The following TTN variants were observed in gnomAD, a reference collection of about 807,000 sequenced individuals.
TTN encodes connectin.
Under a neutral mutation model 3,223.0 loss-of-function variants are expected in TTN, and 1,525 were observed. That is an observed-to-expected ratio of 0.47 (90% CI 0.45 to 0.49). The LOEUF is 0.49. Among genes scored for constraint, TTN ranks in the 20% least tolerant of loss-of-function variants. The pLI, the probability that TTN is intolerant of heterozygous loss-of-function variation, is 0.00. For synonymous variants in TTN, 14,094 were observed against 15,161.0 expected (o/e 0.93, Z 5.17); for missense variants, 40,786 against 43,424.0 (o/e 0.94, Z 5.40).
rs1197078573 is a variant in TTN at position 178,579,243 on chromosome 2, C to G, written c.67787G>C (p.Arg22596Thr). 2 of 1,613,442 alleles carry G rather than the reference C, an allele frequency of 1.2e-6. No individual in the cohort carries two copies. Among genetic ancestry groups the G allele is most frequent in the Admixed American group, 3.3e-5 (2 of 59,992 alleles). Residue 22596 changes from arginine to threonine, a missense_variant, in exon 320 of 363, where the codon AGA becomes ACA. Coordinates refer to ENST00000589042, the MANE Select transcript of TTN (RefSeq NM_001267550.2). ...AACCGCAGATGACTCAACACTGACT[C>G]TAGTGTCAGTTGCTAGAGGATCTTC... is the stretch of plus-strand genomic sequence containing the variant. ...KGEDPLATDT[R>T]VSVESSAVNT... is the part of the protein sequence containing the mutation.
In TTN at chr2:178,538,610, A is replaced by G; in HGVS notation, c.99219T>C (p.Val33073=). Residue 33073 remains valine (V), a synonymous_variant, in exon 354 of 363, where the codon GTT becomes GTC. Transcript: ENST00000589042. ...LLEATEYEFR[V]FAENETGLSR... ...TCAGCCCAGTCTCATTCTCAGCAAA[A>G]ACCCTGAATTCATACTCAGTAGCTT... The G allele has an allele frequency of 6.2e-7, 1 of 1,613,716 alleles. No homozygotes were observed. Among genetic ancestry groups the G allele is most frequent in the Non-Finnish European group, 8.5e-7 (1 of 1,179,728 alleles).
intron 242 of TTN, among the ~76,000 whole-genome samples, chr2:178,623,323 T>A (rs1334937127): frequency 2.7e-5 from 4 of 150,942 alleles, no homozygotes; most frequent in African/African-American, 9.7e-5. Context: ...AGGCATAACA[T>A]CTATTAGTGC....
chr2:178,649,434 A>G (rs2062561171), intron 212 of TTN, 103 bp from the exon 213 acceptor site: 5 of 1,348,844 alleles, frequency 3.7e-6, no homozygotes, highest in Non-Finnish European at 4.9e-6. Flanking sequence ...AAATTAATGA[A>G]AGCAAAATAA....
At chr2:178,672,562 CAG>C (rs2067194982) in intron 153 of TTN, 71 bp downstream of exon 153, 2 of 1,600,062 alleles carry the variant, frequency 1.2e-6, no homozygotes, top group African/African-American at 1.3e-5. Flanking sequence ...AATCAAGACA[CAG>C]AGACATGAAA....
intron 326 of TTN, 174 bp from the exon 327 acceptor site, chr2:178,558,811 A>G (rs1702472473): frequency 4.5e-6 from 3 of 660,304 alleles, no homozygotes; most frequent in African/African-American, 3.7e-5. Flanking sequence ...GGCTCCCACA[A>G]GCTATGTCAT....
At position 178,721,951 on chromosome 2, in the gene TTN, TGAG is replaced by T. The variant is rs746469744; in HGVS notation, c.22709_22711del (p.Pro7570del). On this transcript the variant is annotated inframe_deletion, in exon 78 of 363. Coordinates refer to ENST00000589042, the MANE Select transcript of TTN (RefSeq NM_001267550.2). ...TTTGCCTACTTTAAGAATTCTCAAA[TGAG>T]GAGTGTTTCCCACACATGTGATTGT... The T allele has an allele frequency of 1.2e-6, 2 of 1,613,598 alleles. No homozygotes were observed. Among genetic ancestry groups the T allele is most frequent in the Non-Finnish European group, 1.7e-6 (2 of 1,179,588 alleles).
Position 178,592,982 on chromosome 2 carries a change from G to A in TTN, c.59137C>T (p.Leu19713=), listed in dbSNP as rs2050557012. The change falls in exon 300 of 363, where the codon CTG becomes TTG. Residue 19713 remains leucine (L), a synonymous_variant. Coordinates refer to ENST00000589042, the MANE Select transcript of TTN (RefSeq NM_001267550.2). Reference sequence around the variant, plus strand: ...TTCTGGTACTCAACAATATAACCCAGAATCTTGCTCCCACCATCATGACGT... The same window carrying A: ...TTCTGGTACTCAACAATATAACCCAAAATCTTGCTCCCACCATCATGACGT... ...PPRHDGGSKI[L]GYIVEYQKVG... 1 of 1,613,328 alleles carries A rather than the reference G, an allele frequency of 6.2e-7. No individual in the cohort carries two copies. Among genetic ancestry groups the A allele is most frequent in the Admixed American group, 1.7e-5 (1 of 59,946 alleles).
Position 178,717,567 on chromosome 2 carries a change from T to G in TTN, c.25307A>C (p.Asn8436Thr). ...ACTGGATGAAGCAGTCCCAAGAGGATTAGAAGCAGAGCAATTATACTGCCC... is the reference window on the plus strand; with the variant it reads ...ACTGGATGAAGCAGTCCCAAGAGGAGTAGAAGCAGAGCAATTATACTGCCC... ...HIGQYNCSAS[N>T]PLGTASSSAK... Residue 8436 changes from asparagine to threonine, a missense_variant, in exon 87 of 363, where the codon AAT becomes ACT. Physicochemically the swap from Asn to Thr is moderately conservative, Grantham distance 65. Transcript: ENST00000589042. 6.2e-7 allele frequency: 1 copy of G among 1,612,858 alleles called. No individual in the cohort carries two copies. The highest frequency in any genetic ancestry group is 1.3e-5 in the African/African-American group (1 of 74,990).
rs1577825049 is a variant in TTN, at chr2:178,711,071, T to G, written c.28165A>C (p.Ile9389Leu). 6.3e-7 allele frequency: 1 copy of G among 1,580,856 alleles called. No homozygotes were observed. Among genetic ancestry groups the G allele is most frequent in the African/African-American group, 1.4e-5 (1 of 73,304 alleles). The change falls in exon 97 of 363, where the codon ATT becomes CTT. Residue 9389 changes from isoleucine (I) to leucine (L), a missense_variant. Coordinates refer to ENST00000589042, the MANE Select transcript of TTN (RefSeq NM_001267550.2). ...TTAAGAATCCACAAACCTGTGAGAA[T>G]GAGCCTGGCACTGGAAGAAGCAGAG... ...IGSASSSARL[I>L]LTEGKNPPFF...
chr2:178,635,802 A>C, intron 226 of TTN, 87 bp from the exon 227 acceptor site: 4 of 1,520,864 alleles, frequency 2.6e-6, no homozygotes, highest in Non-Finnish European at 2.6e-6. Context: ...GAATAGGAAA[A>C]ATTTCACAAT....
At position 178,609,501 on chromosome 2, in the gene TTN, C is replaced by A. The variant is rs200650668; in HGVS notation, c.51809G>T (p.Ser17270Ile). 1,305 of 1,612,560 alleles carry A rather than the reference C, an allele frequency of 8.1e-4. 4 individuals are homozygous for A. The highest frequency in any genetic ancestry group is 1.1e-3 in the Non-Finnish European group (1,262 of 1,179,154). Residue 17270 changes from serine to isoleucine, a missense_variant, in exon 273 of 363, where the codon AGT becomes ATT. Coordinates refer to ENST00000589042, the MANE Select transcript of TTN (RefSeq NM_001267550.2). ...KRGDEIALDASISGSPYPTIT... is the reference protein window; with the variant it reads ...KRGDEIALDAIISGSPYPTIT... ...AGTTGGGTAAGGTGATCCAGAAATA[C>A]TTGCATCAAGTGCTATTTCATCACC...
intron 102 of TTN, 41 bp downstream of exon 102, chr2:178,706,413 G>A (rs1449848357): frequency 6.4e-7 from 1 of 1,552,052 alleles, no homozygotes; most frequent in East Asian, 2.3e-5. Context: ...CCACTTATAT[G>A]GAGGGCTGAT....
At position 178,654,196 on chromosome 2, in the gene TTN, G is replaced by C. The variant is rs760909848; in HGVS notation, c.38380+12C>G. ...AGTAAGTTATTCTTAGCAGAGGAGA[G>C]GGAATAAATACCTTTTGCACGTGGG... On this transcript the variant is annotated intron_variant, in intron 193 of 362. Coordinates refer to ENST00000589042, the MANE Select transcript of TTN (RefSeq NM_001267550.2). 197 of 1,593,984 alleles carry C rather than the reference G, an allele frequency of 1.2e-4. 4 individuals carry two copies. Among genetic ancestry groups the C allele is most frequent in the Non-Finnish European group, 1.6e-4 (186 of 1,177,898 alleles).
chr2:178,751,849 C>T (rs1440746392), intron 47 of TTN: 2 of 1,611,288 alleles, frequency 1.2e-6, no homozygotes, highest in Admixed American at 3.4e-5. Context: ...CCGGTTCACC[C>T]TCTAAAACAT....
At chr2:178,616,364 C>T in intron 257 of TTN, 115 bp downstream of exon 257, 1 of 1,411,994 alleles carries the variant, frequency 7.1e-7, no homozygotes, top group African/African-American at 1.4e-5. Context: ...TGTACATTTT[C>T]AGTGAGGTAA....
intron 149 of TTN, 114 bp downstream of exon 149, chr2:178,675,557 C>G (rs1219269647): frequency 4.8e-6 from 4 of 841,190 alleles, no homozygotes; most frequent in Non-Finnish European, 6.5e-6. Flanking sequence ...TCAGAAATGA[C>G]GAATGTGAAT....
intron 131 of TTN, 125 bp downstream of exon 131, chr2:178,684,541 T>C: frequency 1.5e-6 from 2 of 1,335,614 alleles, no homozygotes; most frequent in Non-Finnish European, 2.1e-6. Flanking sequence ...TCACAAGTAA[T>C]ACTCTACCCA....
rs1246695516 is a variant in TTN, at chr2:178,704,813, C to T, written c.29695-36G>A. 11 of 1,607,086 alleles carry T rather than the reference C, an allele frequency of 6.8e-6. No homozygotes were observed. The Admixed American group carries it at 1.2e-4, about 17-fold the overall frequency. On this transcript the variant is annotated intron_variant, in intron 104 of 362. Transcript: ENST00000589042. The stretch of plus-strand genomic sequence containing the variant: ...AAAGAATTAAAACACATTTGTTACT[C>T]CTTCCCTTATAATAATACTCAATAA...
At position 178,540,343 on chromosome 2, in the gene TTN, C is replaced by T. The variant is rs757187219; in HGVS notation, c.97823G>A (p.Arg32608Lys). 1.2e-6 allele frequency: 2 copies of T among 1,613,104 alleles called. No individual in the cohort carries two copies. Among genetic ancestry groups the T allele is most frequent in the South Asian group, 2.2e-5 (2 of 91,026 alleles). The part of the protein sequence containing the change: ...IAPPGKPQNP[R>K]VTDTTRTSVS... ...TGATGTCCTTGTTGTATCAGTAACT[C>T]TTGGGTTTTGTGGCTTTCCTGGAGG... Residue 32608 changes from arginine to lysine, a missense_variant, in exon 351 of 363, where the codon AGA (arginine) becomes AAA (lysine). Physicochemically the swap from Arg to Lys is conservative, Grantham distance 26. Coordinates refer to ENST00000589042, the MANE Select transcript of TTN (RefSeq NM_001267550.2).
Sources: allele counts gnomAD v4.1 joint callset (sites outside exome capture counted in the v4.1 genomes callset), GRCh38; gene constraint gnomAD v4.1.1; transcripts MANE v1.5; gene names NCBI Gene and HGNC (gene_info 2026-07-23, HGNC 2026-07-21).